Variants in REPS1 observed in about 807,000 individuals in gnomAD.
The protein encoded by REPS1 is RALBP1 associated Eps domain containing 1, also known as ralBP1-associated Eps domain-containing protein 1.
Under a neutral mutation model 100.9 loss-of-function variants are expected in REPS1, and 39 were observed. The observed-to-expected ratio is 0.39, with a 90% CI of 0.30 to 0.50. REPS1 has a LOEUF of 0.50. Among genes scored for constraint, REPS1 ranks in the 20% least tolerant of loss-of-function variants. REPS1 has a pLI of 0.86. For missense variants in REPS1, 821 were observed against 968.5 expected, an observed-to-expected ratio of 0.85 and a Z score of 2.02; for synonymous variants, 324 against 340.3, an observed-to-expected ratio of 0.95 and a Z score of 0.53.
intron 1 of REPS1, among the ~76,000 whole-genome samples, chr6:138,975,828 C>T (rs1291112337): frequency 6.6e-6 from 1 of 151,740 alleles, no homozygotes; most frequent in Admixed American, 6.6e-5. Flanking sequence ...AGCCAGACTC[C>T]GTCTCAAAAA....
At chr6:138,947,769 A>C (rs764665182) in intron 2 of REPS1, 21 bp downstream of exon 2, 3 of 1,505,972 alleles carry the variant, frequency 2.0e-6, no homozygotes, top group South Asian at 2.7e-5. Flanking sequence ...TCTTTCGGTT[A>C]CTAGTGTACT....
intron 1 of REPS1, 96 bp from the exon 2 acceptor site, chr6:138,948,009 T>C: frequency 2.7e-6 from 3 of 1,109,018 alleles, no homozygotes; most frequent in South Asian, 3.6e-5. Flanking sequence ...TCTCAAAATA[T>C]CTATCTAATA....
At chr6:138,930,534 C>T (rs973027297) in intron 8 of REPS1, among the ~76,000 whole-genome samples, 5 of 152,088 alleles carry the variant, frequency 3.3e-5, no homozygotes, top group African/African-American at 1.2e-4. Context: ...CATCCGTATG[C>T]ACATTTGTAT....
intron 7 of REPS1, among the ~76,000 whole-genome samples, chr6:138,941,786 A>C (rs1782267853): frequency 6.6e-6 from 1 of 152,242 alleles, no homozygotes; most frequent in Non-Finnish European, 1.5e-5. Flanking sequence ...TATAATTCAC[A>C]TGCATTTTTA....
chr6:138,911,715 A>G (rs114470418), intron 16 of REPS1, among the ~76,000 whole-genome samples: 1,528 of 149,892 alleles, frequency 0.01, 20 homozygotes, highest in African/African-American at 0.036. Context: ...GAGGGAGAGG[A>G]GGACGGGGCA....
intron 1 of REPS1, among the ~76,000 whole-genome samples, chr6:138,951,565 C>T (rs931347565): frequency 1.3e-5 from 2 of 152,128 alleles, no homozygotes; most frequent in East Asian, 1.9e-4. Context: ...TAATCTTTGC[C>T]GTGCTTTGGA....
chr6:138,922,563 G>A (rs1053721671), intron 10 of REPS1, among the ~76,000 whole-genome samples: 2 of 152,140 alleles, frequency 1.3e-5, no homozygotes, highest in South Asian at 2.1e-4. Flanking sequence ...AAAGAGAGGT[G>A]TACCTAGGAC....
Position 138,987,593 on chromosome 6 carries a change from C to T in REPS1, c.90G>A (p.Val30=). Residue 30 remains valine, a synonymous_variant, in exon 1 of 20, where the codon GTG becomes GTA. Coordinates refer to ENST00000450536, the MANE Select transcript of REPS1 (RefSeq NM_001286611.2). ...YCDIESTKKV[V]VNGRVLELFR... is the part of the protein sequence containing the mutation. ...ACAGCTCCAGCACCCGCCCGTTGAC[C>T]ACCACCTTCTTGGTGCTCTCAATGT... 1 of 1,551,124 alleles carries T rather than the reference C, an allele frequency of 6.4e-7. No individual in the cohort carries two copies. Among genetic ancestry groups the T allele is most frequent in the Non-Finnish European group, 8.7e-7 (1 of 1,146,712 alleles).
At chr6:138,968,754 C>T (rs6932315) in intron 1 of REPS1, among the ~76,000 whole-genome samples, 35,937 of 151,998 alleles carry the variant, frequency 0.24, 5,094 homozygotes, top group African/African-American at 0.4. Flanking sequence ...TTCAGCCAAA[C>T]ACCACTGTCT....
At chr6:138,927,559 T>C (rs1237504092) in intron 9 of REPS1, 1 of 152,172 alleles carries the variant, frequency 6.6e-6, no homozygotes, top group African/African-American at 2.4e-5. Flanking sequence ...TGGGAAAGTA[T>C]ACATTTTTAT....
intron 1 of REPS1, among the ~76,000 whole-genome samples, chr6:138,979,188 A>AC (rs1784779697): frequency 6.7e-6 from 1 of 148,686 alleles, no homozygotes; most frequent in Non-Finnish European, 1.5e-5. Flanking sequence ...CACAAAAAAA[A>AC]AAAAAAAAAC....
At chr6:138,947,351 A>G (rs536380675) in intron 2 of REPS1, among the ~76,000 whole-genome samples, 2 of 152,164 alleles carry the variant, frequency 1.3e-5, no homozygotes, top group South Asian at 4.1e-4. Flanking sequence ...TCTTAATTTC[A>G]ACTGAAGCCT....
intron 19 of REPS1, among the ~76,000 whole-genome samples, chr6:138,905,875 T>C (rs1280074632): frequency 6.6e-6 from 1 of 152,224 alleles, no homozygotes; most frequent in Admixed American, 6.5e-5. Flanking sequence ...GAATTTTTAA[T>C]CAATGTTGAT....
chr6:138,957,807 A>T (rs146152620), intron 1 of REPS1, among the ~76,000 whole-genome samples: 1 of 152,356 alleles, frequency 6.6e-6, no homozygotes, highest in East Asian at 1.9e-4. Context: ...ACAATACTGA[A>T]TACTTGGCTC....
chr6:138,969,859 A>ATTT (rs56070030), intron 1 of REPS1, among the ~76,000 whole-genome samples: 3,821 of 94,484 alleles, frequency 0.04, 439 homozygotes, highest in African/African-American at 0.14. Flanking sequence ...GTGAATTGGG[A>ATTT]TTTTTTTTTT....
intron 1 of REPS1, among the ~76,000 whole-genome samples, chr6:138,957,269 T>C (rs891397778): frequency 2.0e-5 from 3 of 152,100 alleles, no homozygotes; most frequent in Non-Finnish European, 2.9e-5. Flanking sequence ...TCCTAAAACA[T>C]TTAGAGATGG....
At chr6:138,957,508 C>T (rs1265785834) in intron 1 of REPS1, among the ~76,000 whole-genome samples, 1 of 152,150 alleles carries the variant, frequency 6.6e-6, no homozygotes, top group South Asian at 2.1e-4. Context: ...TCCTGTGAAC[C>T]CATTCTTGGA....
chr6:138,935,585 C>G (rs574128904), intron 8 of REPS1, among the ~76,000 whole-genome samples: 2 of 152,134 alleles, frequency 1.3e-5, no homozygotes, highest in Admixed American at 6.5e-5. Flanking sequence ...AGTGGTGGCT[C>G]ATGCCTGTAA....
rs1431984680 is a variant in REPS1 at position 138,987,725 on chromosome 6, T to G, written c.-43A>C. On this transcript the variant is annotated 5_prime_UTR_variant, in exon 1 of 20. Transcript: ENST00000450536. ...GGCCGCCCCGCCCCGCATGCACTAC[T>G]CGGGGCCCGGCCCCAGGAACCTGGG... 1.4e-6 allele frequency: 2 copies of G among 1,479,008 alleles called. No homozygotes were observed. Among genetic ancestry groups the G allele is most frequent in the Non-Finnish European group, 1.8e-6 (2 of 1,110,576 alleles). The allele number at this position is 1,479,008 out of a possible 1,614,324, so 91.6% of individuals were successfully genotyped here.
Sources: gnomAD v4.1 joint callset for allele counts (sites outside exome capture counted in the v4.1 genomes callset) on GRCh38, gnomAD v4.1.1 for gene constraint, MANE v1.5 for transcripts, NCBI Gene and HGNC (gene_info 2026-07-23, HGNC 2026-07-21) for gene names.